CSMD1: variants seen among roughly 807,000 people sequenced by gnomAD.
CSMD1 encodes CUB and Sushi multiple domains 1.
A neutral mutation model predicts 417.5 loss-of-function variants in CSMD1; 213 were observed. That is an observed-to-expected ratio of 0.51 (90% confidence interval 0.46 to 0.57). The LOEUF is 0.57. Ranked by LOEUF, CSMD1 falls within the 20% of genes least tolerant of loss-of-function variation. CSMD1 has a pLI of 0.00. For missense variants in CSMD1, 6,923 were observed against 4,529.7 expected (o/e 1.53, Z -15.17); for synonymous variants, 2,862 against 1,736.8 (o/e 1.65, Z -16.11).
In CSMD1 at chr8:4,103,772, G is replaced by T. The variant is rs183625518; in HGVS notation, c.416-71673C>A. 7.9e-5 allele frequency among the ~76,000 whole-genome samples: 12 copies of T among 152,222 alleles called. 1 individual carries two copies. In the East Asian group the frequency reaches 1.9e-3, roughly 24 times the overall value. ...AGCTGAAACTTCTTATATTACAAAA[G>T]TTACCTGCTTCAAAACAGAATGACA... On this transcript the variant is annotated intron_variant, in intron 3 of 69. Coordinates refer to ENST00000635120, the MANE Select transcript of CSMD1 (RefSeq NM_033225.6).
At chr8:3,133,881 AG>A (rs1448687853) in intron 41 of CSMD1, among the ~76,000 whole-genome samples, 1 of 152,200 alleles carries the variant, frequency 6.6e-6, no homozygotes, top group Non-Finnish European at 1.5e-5. Flanking sequence ...AGTCCTAGAA[AG>A]TGCTCTGTCA....
At chr8:3,473,762 C>T (rs182595365) in intron 11 of CSMD1, among the ~76,000 whole-genome samples, 59 of 152,236 alleles carry the variant, frequency 3.9e-4, no homozygotes, top group Non-Finnish European at 6.8e-4. Flanking sequence ...GTGTATCAGT[C>T]TACTCTCACA....
At chr8:4,486,254 T>TATATATATATATACATAC (rs1801409553) in intron 2 of CSMD1, among the ~76,000 whole-genome samples, 2 of 15,644 alleles carry the variant, frequency 1.3e-4, no homozygotes, top group Non-Finnish European at 2.6e-4. Context: ...TACATACATA[T>TATATATATATATACATAC]ATATATATAT....
At chr8:3,797,032 T>C (rs1286849973) in intron 5 of CSMD1, among the ~76,000 whole-genome samples, 9 of 151,962 alleles carry the variant, frequency 5.9e-5, no homozygotes, top group African/African-American at 2.2e-4. Flanking sequence ...AATTTAAAAA[T>C]ATATCAGCAC....
At chr8:4,451,255 C>G (rs1471649436) in intron 2 of CSMD1, among the ~76,000 whole-genome samples, 1 of 152,090 alleles carries the variant, frequency 6.6e-6, no homozygotes, top group Non-Finnish European at 1.5e-5. Flanking sequence ...GGCTTGAGCC[C>G]AGGAGGTCCA....
chr8:3,371,985 A>G (rs1355230848), intron 18 of CSMD1, among the ~76,000 whole-genome samples: 1 of 152,242 alleles, frequency 6.6e-6, no homozygotes, highest in African/African-American at 2.4e-5. Context: ...ATTAATAATA[A>G]GAGAGATAAA....
chr8:4,607,825 T>C (rs1800961121), intron 2 of CSMD1, among the ~76,000 whole-genome samples: 1 of 152,186 alleles, frequency 6.6e-6, no homozygotes, highest in African/African-American at 2.4e-5. Context: ...TTGCAATAAA[T>C]CTCTGTACTT....
chr8:3,428,803 G>A (rs753331179), intron 12 of CSMD1, among the ~76,000 whole-genome samples: 18 of 152,248 alleles, frequency 1.2e-4, no homozygotes, highest in African/African-American at 1.9e-4. Flanking sequence ...GGAAAGAACC[G>A]AGGTGTCAAT....
At chr8:4,058,651 G>C (rs1489663530) in intron 3 of CSMD1, among the ~76,000 whole-genome samples, 2 of 148,352 alleles carry the variant, frequency 1.3e-5, no homozygotes, top group South Asian at 2.2e-4. Context: ...CCTAGTCTCT[G>C]ATAAAACAGA....
At chr8:4,041,217 C>T (rs1256177878) in intron 3 of CSMD1, among the ~76,000 whole-genome samples, 1 of 151,936 alleles carries the variant, frequency 6.6e-6, no homozygotes, top group Non-Finnish European at 1.5e-5. Flanking sequence ...CGGGGTTTCA[C>T]CGTGTTAGCC....
chr8:3,872,269 G>C (rs1188479703), intron 5 of CSMD1, among the ~76,000 whole-genome samples: 1 of 152,136 alleles, frequency 6.6e-6, no homozygotes, highest in Admixed American at 6.5e-5. Flanking sequence ...TCTGTGAACT[G>C]AACGTGTCAG....
At chr8:4,692,566 C>G (rs1287539095) in intron 1 of CSMD1, among the ~76,000 whole-genome samples, 2 of 152,114 alleles carry the variant, frequency 1.3e-5, no homozygotes, top group African/African-American at 4.8e-5. Flanking sequence ...GCCGGGAAGA[C>G]TGTGAGCCAT....
intron 1 of CSMD1, among the ~76,000 whole-genome samples, chr8:4,898,456 G>C (rs948618927): frequency 6.6e-6 from 1 of 151,428 alleles, no homozygotes; most frequent in African/African-American, 2.5e-5. Flanking sequence ...GGTGTAGAAA[G>C]TGTAAGTGAG....
chr8:4,845,710 G>C (rs1176450949), intron 1 of CSMD1, among the ~76,000 whole-genome samples: 1 of 152,228 alleles, frequency 6.6e-6, no homozygotes, highest in East Asian at 1.9e-4. Context: ...ATGGTGTGCT[G>C]TTTGCCGAAA....
intron 26 of CSMD1, among the ~76,000 whole-genome samples, chr8:3,272,929 C>T (rs1024282736): frequency 6.7e-6 from 1 of 149,232 alleles, no homozygotes; most frequent in South Asian, 2.1e-4. Context: ...TTATTTCCTT[C>T]TCCTGCCTAA....
At chr8:3,297,023 G>A (rs878907471) in intron 25 of CSMD1, among the ~76,000 whole-genome samples, 3 of 152,174 alleles carry the variant, frequency 2.0e-5, no homozygotes, top group Admixed American at 2.0e-4. Flanking sequence ...GTTCTTAGGT[G>A]GAGAATAGAA....
intron 5 of CSMD1, among the ~76,000 whole-genome samples, chr8:3,903,711 G>T (rs796795339): frequency 5.3e-5 from 8 of 152,264 alleles, no homozygotes; most frequent in African/African-American, 1.9e-4. Flanking sequence ...ACAGCATCCT[G>T]AAAGAAGCCA....
chr8:3,997,647 C>T (rs1332543416), intron 5 of CSMD1, among the ~76,000 whole-genome samples: 1 of 152,160 alleles, frequency 6.6e-6, no homozygotes, highest in Admixed American at 6.5e-5. Flanking sequence ...TTAAAACAGT[C>T]CAAAAATGAC....
In CSMD1 at chr8:4,914,916, G is replaced by A. The variant is rs114001300; in HGVS notation, c.85+79416C>T. On this transcript the variant is annotated intron_variant, in intron 1 of 69. Transcript: ENST00000635120. ...GGGTATTCCCAAGTCACAGAAAACA[G>A]GAACAGAACATTTATCCAAAGAAAA... Among the ~76,000 whole-genome samples, 566 of 152,214 alleles carry A rather than the reference G, an allele frequency of 3.7e-3. 3 individuals are homozygous for A. Among genetic ancestry groups the A allele is most frequent in the African/African-American group, 0.013 (533 of 41,536 alleles).
Sources: gnomAD v4.1 joint callset for allele counts (sites outside exome capture counted in the v4.1 genomes callset) on GRCh38, gnomAD v4.1.1 for gene constraint, MANE v1.5 for transcripts, NCBI Gene and HGNC (gene_info 2026-07-23, HGNC 2026-07-21) for gene names.